Variants in DNAAF9 observed in about 807,000 individuals in gnomAD.
DNAAF9 encodes shulin.
DNAAF9 carries 90 observed loss-of-function variants against 167.0 expected under a neutral mutation model. The observed-to-expected ratio is 0.54, with a 90% CI of 0.45 to 0.64. The LOEUF is 0.64. Ranked by LOEUF, DNAAF9 falls within the 30% of genes least tolerant of loss-of-function variation. The pLI, the probability that DNAAF9 is intolerant of heterozygous loss-of-function variation, is 0.00. For synonymous variants in DNAAF9, 491 were observed against 508.8 expected (o/e 0.96, Z 0.47); for missense variants, 1,315 against 1,442.2 (o/e 0.91, Z 1.43).
intron 27 of DNAAF9, among the ~76,000 whole-genome samples, chr20:3,282,568 C>T (rs377144448): frequency 7.3e-4 from 111 of 152,286 alleles, no homozygotes; most frequent in Admixed American, 1.2e-3. Context: ...GCTCAAAACC[C>T]GCTGGTGGCT....
At chr20:3,318,581 C>G (rs6037547) in intron 16 of DNAAF9, among the ~76,000 whole-genome samples, 181 bp from the exon 17 acceptor site, 1 of 152,000 alleles carries the variant, frequency 6.6e-6, no homozygotes, top group African/African-American at 2.4e-5. Flanking sequence ...TTAGGATCAC[C>G]CAGGCTTCCC....
rs774731799 is a variant in DNAAF9, at chr20:3,290,224, G to A, written c.2239-7C>T. The A allele has an allele frequency of 1.3e-6, 2 of 1,580,488 alleles. No homozygotes were observed. The highest frequency in any genetic ancestry group is 1.7e-6 in the Non-Finnish European group (2 of 1,149,398). On this transcript the variant is annotated splice_region_variant and splice_polypyrimidine_tract_variant and intron_variant, in intron 25 of 36. Coordinates refer to ENST00000252032, the MANE Select transcript of DNAAF9 (RefSeq NM_001009984.3). ...TTACAATGCTGATAATTACCTACAT[G>A]AAGAAAAAGTCATGGGTTTGCAATT... is the stretch of plus-strand genomic sequence containing the variant.
At position 3,251,819 on chromosome 20, in the gene DNAAF9, C is replaced by G. The variant is rs1035201804; in HGVS notation, c.*753G>C. 6.6e-6 allele frequency: 1 copy of G among 152,310 alleles called. No individual in the cohort carries two copies. Among genetic ancestry groups the G allele is most frequent in the African/African-American group, 2.4e-5 (1 of 41,474 alleles). 9.4% of individuals were successfully genotyped at this position (152,310 alleles called of 1,614,324 possible). A position where few individuals can be genotyped will look rare whatever the true frequency, so the allele number is the denominator to read the frequency against. ...GCCTGAGCAGCAGGCTTGCTCTTGTCCCTACATTAGGACACCCGAATGGTG... is the reference window on the plus strand; with the variant it reads ...GCCTGAGCAGCAGGCTTGCTCTTGTGCCTACATTAGGACACCCGAATGGTG... On this transcript the variant is annotated 3_prime_UTR_variant, in exon 37 of 37. Transcript: ENST00000252032.
At chr20:3,285,292 C>T (rs1484126328) in intron 27 of DNAAF9, among the ~76,000 whole-genome samples, 1 of 152,004 alleles carries the variant, frequency 6.6e-6, no homozygotes, top group Non-Finnish European at 1.5e-5. Context: ...CACACCCATA[C>T]TCCCACCACT....
chr20:3,401,765 T>C (rs2083987790), intron 1 of DNAAF9, among the ~76,000 whole-genome samples: 1 of 151,946 alleles, frequency 6.6e-6, no homozygotes, highest in South Asian at 2.1e-4. Flanking sequence ...TTTCCAGGGG[T>C]GATAGAGAAG....
At chr20:3,267,439 G>A (rs1393979470) in intron 30 of DNAAF9, among the ~76,000 whole-genome samples, 1 of 152,038 alleles carries the variant, frequency 6.6e-6, no homozygotes, top group Admixed American at 6.6e-5. Flanking sequence ...AGTGGGGACT[G>A]GTACTTAGAA....
In DNAAF9 at chr20:3,278,127, G is replaced by A. The variant is rs573213379; in HGVS notation, c.2650+785C>T. Among the ~76,000 whole-genome samples, 9 of 152,298 alleles carry A rather than the reference G, an allele frequency of 5.9e-5. No individual in the cohort carries two copies. In the East Asian group the frequency reaches 1.5e-3, roughly 26 times the overall value. On this transcript the variant is annotated intron_variant, in intron 29 of 36. Transcript: ENST00000252032. ...ACAGATAATATGACTAGAAAGTGCT[G>A]CTTCCAGGGTTGTCAGGTAGTAGGG...
rs541287923 is a variant in DNAAF9, at chr20:3,262,802, A to G, written c.2873+1636T>C. ...CCATTTGTTTATTTTTAGCTAAGAT[A>G]TCATTATCTTGTTCAGACATAAGAA... On this transcript the variant is annotated intron_variant, in intron 31 of 36. Transcript: ENST00000252032. Among the ~76,000 whole-genome samples, 6 of 152,254 alleles carry G rather than the reference A, an allele frequency of 3.9e-5. No individual in the cohort carries two copies. The South Asian group carries it at 1.2e-3, about 32-fold the overall frequency.
chr20:3,327,312 A>G (rs956634077), intron 12 of DNAAF9, among the ~76,000 whole-genome samples: 6 of 152,168 alleles, frequency 3.9e-5, no homozygotes, highest in Admixed American at 3.9e-4. Flanking sequence ...TGTTGGTAGC[A>G]TTCCAGTTGT....
chr20:3,283,154 T>A (rs1600702298), intron 27 of DNAAF9, among the ~76,000 whole-genome samples: 1 of 152,300 alleles, frequency 6.6e-6, no homozygotes, highest in East Asian at 1.9e-4. Context: ...TCCTGATTGA[T>A]CCGGCCTATC....
At chr20:3,267,257 A>T (rs1245922562) in intron 30 of DNAAF9, among the ~76,000 whole-genome samples, 1 of 152,180 alleles carries the variant, frequency 6.6e-6, no homozygotes, top group Admixed American at 6.6e-5. Flanking sequence ...AATTGTCCCA[A>T]ATTAGACTAG....
intron 29 of DNAAF9, among the ~76,000 whole-genome samples, chr20:3,273,399 T>C (rs1448888094): frequency 2.0e-5 from 3 of 152,188 alleles, no homozygotes; most frequent in Non-Finnish European, 4.4e-5. Context: ...GACTAATTTA[T>C]AAAGAACCTT....
chr20:3,281,807 C>T (rs1195208249), intron 27 of DNAAF9, 41 bp from the exon 28 acceptor site: 4 of 1,583,942 alleles, frequency 2.5e-6, no homozygotes, highest in South Asian at 2.3e-5. Context: ...CACTGACTGG[C>T]ATTGCAAAGT....
chr20:3,322,419 A>G (rs576562081), intron 15 of DNAAF9, among the ~76,000 whole-genome samples, 157 bp from the exon 16 acceptor site: 11 of 152,310 alleles, frequency 7.2e-5, no homozygotes, highest in African/African-American at 1.2e-4. Flanking sequence ...TAGAATTGGT[A>G]TGTGGGCCAC....
chr20:3,294,161 G>A lies in DNAAF9; in HGVS notation c.2216C>T (p.Thr739Ile). Residue 739 changes from threonine to isoleucine, a missense_variant, in exon 25 of 37, where the codon ACT (threonine) becomes ATT (isoleucine). Physicochemically the swap from Thr to Ile is moderately conservative, Grantham distance 89. Transcript: ENST00000252032. Reference sequence around the variant, plus strand: ...TACCTTGTCACTTTCTATTCTGTGAGTAGTGTTGATTTCAGCTTGCTGCAG... The same window carrying A: ...TACCTTGTCACTTTCTATTCTGTGAATAGTGTTGATTTCAGCTTGCTGCAG... The part of the protein sequence containing the change: ...VLLQQAEINT[T>I]HRIESDKVII... The A allele has an allele frequency of 1.3e-6, 2 of 1,596,112 alleles. No individual in the cohort carries two copies. The highest frequency in any genetic ancestry group is 1.7e-6 in the Non-Finnish European group (2 of 1,163,512).
rs899865599 is a variant in DNAAF9 at position 3,382,222 on chromosome 20, C to A, written c.163+205G>T. Among the ~76,000 whole-genome samples the A allele has an allele frequency of 3.3e-5, 5 of 152,132 alleles. No homozygotes were observed. In the East Asian group the frequency reaches 5.8e-4, roughly 18 times the overall value. Reference sequence around the variant, plus strand: ...GTGAGGCTAAAAGAAGGGCTTAAGGCAGAAGTAGCTCCAAAAATGGGCTTC... The same window carrying A: ...GTGAGGCTAAAAGAAGGGCTTAAGGAAGAAGTAGCTCCAAAAATGGGCTTC... On this transcript the variant is annotated intron_variant, in intron 2 of 36. Transcript: ENST00000252032.
intron 31 of DNAAF9, among the ~76,000 whole-genome samples, chr20:3,263,800 A>G (rs1202115582): frequency 1.3e-5 from 2 of 152,230 alleles, no homozygotes; most frequent in Admixed American, 1.3e-4. Flanking sequence ...TGAAAGACTG[A>G]ATTATAAATT....
intron 30 of DNAAF9, 55 bp downstream of exon 30, chr20:3,270,372 C>CA (rs2068571969): frequency 6.6e-7 from 1 of 1,522,706 alleles, no homozygotes; most frequent in African/African-American, 1.4e-5. Context: ...GGGCCACAGA[C>CA]AGAGTGCTGT....
intron 8 of DNAAF9, among the ~76,000 whole-genome samples, chr20:3,348,112 G>C (rs1211310289): frequency 1.3e-5 from 2 of 152,180 alleles, no homozygotes; most frequent in African/African-American, 2.4e-5. Context: ...CCTGTGTCTT[G>C]GTTGTCAATC....
Sources: allele counts gnomAD v4.1 joint callset (sites outside exome capture counted in the v4.1 genomes callset), GRCh38; gene constraint gnomAD v4.1.1; transcripts MANE v1.5; gene names NCBI Gene and HGNC (gene_info 2026-07-23, HGNC 2026-07-21).